The following KCNN2 variants were observed in gnomAD, a reference collection of about 807,000 sequenced individuals.
KCNN2 encodes small conductance calcium-activated potassium channel protein 2.
In KCNN2, 24 loss-of-function variants were observed where a neutral mutation model predicts 55.5. That is an observed-to-expected ratio of 0.43 (90% CI 0.31 to 0.61). KCNN2 has a LOEUF of 0.61. KCNN2 is among the 20% of genes least tolerant of loss of function. The pLI, the probability that KCNN2 is intolerant of heterozygous loss-of-function variation, is 0.08. For synonymous variants in KCNN2, 431 were observed against 336.1 expected, an observed-to-expected ratio of 1.28 and a Z score of -3.09; for missense variants, 754 against 853.6, an observed-to-expected ratio of 0.88 and a Z score of 1.45.
chr5:114,064,632 G>A (rs761697877), intron 1 of KCNN2, among the ~76,000 whole-genome samples: 2 of 152,142 alleles, frequency 1.3e-5, no homozygotes, highest in Non-Finnish European at 2.9e-5. Flanking sequence ...CTCCATTATT[G>A]ACTTAGGTCA....
chr5:114,204,581 A>G (rs1297930008), intron 1 of KCNN2, among the ~76,000 whole-genome samples: 1 of 152,140 alleles, frequency 6.6e-6, no homozygotes, highest in East Asian at 1.9e-4. Context: ...TGGATTTCCT[A>G]GACTCCCATG....
intron 1 of KCNN2, among the ~76,000 whole-genome samples, chr5:114,162,570 C>A (rs1488467066): frequency 6.6e-6 from 1 of 152,166 alleles, no homozygotes; most frequent in African/African-American, 2.4e-5. Flanking sequence ...ATATTGCTGC[C>A]TTTTGTTTGT....
At position 114,447,645 on chromosome 5, in the gene KCNN2, T is replaced by G. The variant is rs567162221; in HGVS notation, c.1638-15404T>G. 3.9e-5 allele frequency among the ~76,000 whole-genome samples: 6 copies of G among 152,332 alleles called. No individual in the cohort carries two copies. The South Asian group carries it at 1.2e-3, about 32-fold the overall frequency. Reference sequence around the variant, plus strand: ...TCTCTCCAAGCTTCCCTTTGCAGTATTCCATCCTATTGATTCCTGCATTAC... The same window carrying G: ...TCTCTCCAAGCTTCCCTTTGCAGTAGTCCATCCTATTGATTCCTGCATTAC... On this transcript the variant is annotated intron_variant, in intron 3 of 7. Transcript: ENST00000673685.
chr5:114,114,472 C>G (rs1751673694), intron 1 of KCNN2, among the ~76,000 whole-genome samples: 2 of 152,178 alleles, frequency 1.3e-5, no homozygotes, highest in African/African-American at 4.8e-5. Context: ...ACCCTGGGCT[C>G]AAGTGATCCT....
intron 1 of KCNN2, among the ~76,000 whole-genome samples, chr5:114,091,985 C>T (rs1267227286): frequency 6.6e-6 from 1 of 152,164 alleles, no homozygotes; most frequent in African/African-American, 2.4e-5. Flanking sequence ...TCTCATGTTT[C>T]TTTCACATTT....
intron 3 of KCNN2, among the ~76,000 whole-genome samples, chr5:114,418,892 T>A (rs1444312389): frequency 6.6e-6 from 1 of 152,122 alleles, no homozygotes; most frequent in Non-Finnish European, 1.5e-5. Flanking sequence ...CAACTGCCTC[T>A]GGGGAAAAAA....
intron 2 of KCNN2, among the ~76,000 whole-genome samples, chr5:114,309,891 A>G (rs1471785809): frequency 6.6e-6 from 1 of 152,178 alleles, no homozygotes; most frequent in Non-Finnish European, 1.5e-5. Context: ...GATAGGTTGG[A>G]TTTTGAAAGA....
intron 3 of KCNN2, among the ~76,000 whole-genome samples, chr5:114,407,426 C>CT (rs1169551855): frequency 4.6e-5 from 7 of 151,806 alleles, no homozygotes; most frequent in South Asian, 2.1e-4. Flanking sequence ...CCCTGAATGC[C>CT]TTTTTTTTAA....
intron 2 of KCNN2, among the ~76,000 whole-genome samples, chr5:114,316,094 G>A (rs890550625): frequency 2.6e-5 from 4 of 152,096 alleles, no homozygotes; most frequent in Admixed American, 6.6e-5. Context: ...CATCACACAC[G>A]CATATAGTGT....
At chr5:114,207,196 C>G (rs1212860515) in intron 1 of KCNN2, among the ~76,000 whole-genome samples, 2 of 152,130 alleles carry the variant, frequency 1.3e-5, no homozygotes, top group South Asian at 4.1e-4. Context: ...GTCAAACACC[C>G]TCTCACAATA....
intron 2 of KCNN2, among the ~76,000 whole-genome samples, chr5:114,399,672 G>T (rs1758723504): frequency 6.6e-6 from 1 of 152,098 alleles, no homozygotes; most frequent in Non-Finnish European, 1.5e-5. Context: ...CAGTAGGAAT[G>T]GTATCAGCTC....
chr5:114,458,801 A>G (rs573220109), intron 3 of KCNN2, among the ~76,000 whole-genome samples: 21 of 152,278 alleles, frequency 1.4e-4, no homozygotes, highest in Admixed American at 3.3e-4. Context: ...GAATCTGGAG[A>G]AGGGGACCCA....
intron 1 of KCNN2, among the ~76,000 whole-genome samples, chr5:114,193,834 AGT>A (rs1753497847): frequency 6.6e-6 from 1 of 152,136 alleles, no homozygotes; most frequent in African/African-American, 2.4e-5. Flanking sequence ...GCAGCATGTA[AGT>A]GTGTGTTTTT....
chr5:114,286,409 C>T (rs904103011), intron 2 of KCNN2, among the ~76,000 whole-genome samples: 4 of 151,742 alleles, frequency 2.6e-5, no homozygotes, highest in African/African-American at 4.9e-5. Flanking sequence ...TGTTCATTTA[C>T]GAGTCATCAA....
chr5:114,075,691 T>C (rs1750672355), intron 1 of KCNN2, among the ~76,000 whole-genome samples: 1 of 151,686 alleles, frequency 6.6e-6, no homozygotes, highest in African/African-American at 2.4e-5. Context: ...CCTTATTCCT[T>C]GAATCTGGTT....
At chr5:114,139,465 C>CT (rs1037474254) in intron 1 of KCNN2, among the ~76,000 whole-genome samples, 1 of 150,008 alleles carries the variant, frequency 6.7e-6, no homozygotes, top group Non-Finnish European at 1.5e-5. Flanking sequence ...AACCACCCCC[C>CT]CCACACACAC....
chr5:114,112,730 AG>A (rs1284921929), intron 1 of KCNN2, among the ~76,000 whole-genome samples: 8 of 152,128 alleles, frequency 5.3e-5, no homozygotes, highest in Non-Finnish European at 8.8e-5. Flanking sequence ...GTGGAGAAAC[AG>A]GAAGTATCTA....
chr5:114,336,770 G>A (rs1456506990), intron 2 of KCNN2, among the ~76,000 whole-genome samples: 1 of 152,140 alleles, frequency 6.6e-6, no homozygotes, highest in Non-Finnish European at 1.5e-5. Flanking sequence ...CATTCAGAGT[G>A]ACAGAAAGCG....
intron 2 of KCNN2, among the ~76,000 whole-genome samples, chr5:114,251,571 A>G (rs1024213065): frequency 3.3e-5 from 5 of 152,180 alleles, no homozygotes; most frequent in East Asian, 1.9e-4. Flanking sequence ...ATGCTGTTCA[A>G]TAGAATAAAG....
Sources: gnomAD v4.1 joint callset for allele counts (sites outside exome capture counted in the v4.1 genomes callset) on GRCh38, gnomAD v4.1.1 for gene constraint, MANE v1.5 for transcripts, NCBI Gene and HGNC (gene_info 2026-07-23, HGNC 2026-07-21) for gene names.